SPSB4: variants seen among roughly 807,000 people sequenced by gnomAD.
The protein encoded by SPSB4 is SPRY domain-containing SOCS box protein 4.
A neutral mutation model predicts 20.9 loss-of-function variants in SPSB4; 21 were observed. That is an observed-to-expected ratio of 1.01 (90% CI 0.71 to 1.45). SPSB4 has a LOEUF of 1.45. Ranked by LOEUF, SPSB4 falls within the 40% of genes most tolerant of loss-of-function variation. The probability of loss-of-function intolerance (pLI) is 0.00; values close to 1 mark genes in which losing one functional copy is unlikely to be tolerated. For synonymous variants in SPSB4, 207 were observed against 183.8 expected (o/e 1.13, Z -1.02); for missense variants, 399 against 399.2 (o/e 1.00, Z 0.00).
intron 2 of SPSB4, among the ~76,000 whole-genome samples, chr3:141,085,155 C>T (rs1938316142): frequency 6.6e-6 from 1 of 152,106 alleles, no homozygotes; most frequent in Admixed American, 6.5e-5. Flanking sequence ...GGTACAGGCA[C>T]AGGATGGGAA....
In SPSB4 at chr3:141,137,643, A is replaced by T. The variant is rs543427794; in HGVS notation, c.695-9499A>T. Among the ~76,000 whole-genome samples the T allele has an allele frequency of 5.9e-5, 9 of 152,192 alleles. No individual in the cohort carries two copies. In the South Asian group the frequency reaches 1.7e-3, roughly 28 times the overall value. ...TTTATATGCTGGATTATGTTTATTG[A>T]TTTTCATATGTTGAACCAGCGTTGC... On this transcript the variant is annotated intron_variant, in intron 2 of 2. Transcript: ENST00000310546.
chr3:141,096,906 G>A (rs1055226925), intron 2 of SPSB4, among the ~76,000 whole-genome samples: 1 of 152,132 alleles, frequency 6.6e-6, no homozygotes, highest in Non-Finnish European at 1.5e-5. Context: ...TGGAATGAGT[G>A]CCCCATGGTT....
chr3:141,062,545 A>G (rs574631975), intron 1 of SPSB4, among the ~76,000 whole-genome samples: 1 of 152,276 alleles, frequency 6.6e-6, no homozygotes, highest in South Asian at 2.1e-4. Context: ...GAACTGCTGT[A>G]GAGGCACCCC....
intron 2 of SPSB4, among the ~76,000 whole-genome samples, chr3:141,112,643 T>C (rs1394194407): frequency 2.8e-5 from 1 of 36,026 alleles, no homozygotes; most frequent in African/African-American, 1.8e-4. Flanking sequence ...AGACTCCGTC[T>C]CAAAAAAAAA....
At chr3:141,122,268 C>A (rs1938979979) in intron 2 of SPSB4, among the ~76,000 whole-genome samples, 1 of 152,178 alleles carries the variant, frequency 6.6e-6, no homozygotes, top group Non-Finnish European at 1.5e-5. Context: ...GCAAATATTG[C>A]TGCCTGATTC....
At chr3:141,101,225 C>T (rs555530458) in intron 2 of SPSB4, among the ~76,000 whole-genome samples, 2 of 152,338 alleles carry the variant, frequency 1.3e-5, no homozygotes, top group African/African-American at 4.8e-5. Context: ...CCACAGCTCT[C>T]ACCAGGTTGA....
chr3:141,087,639 G>A (rs1037665804), intron 2 of SPSB4, among the ~76,000 whole-genome samples: 3 of 152,226 alleles, frequency 2.0e-5, no homozygotes, highest in Admixed American at 6.5e-5. Context: ...AACAGCCTCG[G>A]AAGGTCAAGT....
At position 141,100,774 on chromosome 3, in the gene SPSB4, G is replaced by T. The variant is rs569839100; in HGVS notation, c.694+33976G>T. Among the ~76,000 whole-genome samples the T allele has an allele frequency of 1.5e-3, 230 of 152,320 alleles. 1 individual carries two copies. The highest frequency in any genetic ancestry group is 6.8e-3 in the Middle Eastern group (2 of 294). On this transcript the variant is annotated intron_variant, in intron 2 of 2. Transcript: ENST00000310546. ...GGAGAGGCGGCAGGAGGGGAGAGGA[G>T]AGAGAGCCTGTGGAGTGGGTACCCT...
intron 2 of SPSB4, among the ~76,000 whole-genome samples, chr3:141,130,161 A>G (rs1157320955): frequency 1.3e-5 from 2 of 152,244 alleles, no homozygotes; most frequent in Admixed American, 1.3e-4. Context: ...GATACACTTG[A>G]CAATTTGCAT....
Position 141,102,819 on chromosome 3 carries a change from G to A in SPSB4, c.694+36021G>A, listed in dbSNP as rs989449181. ...CTTTGAGATGCCTGGAGGTCAATGCGGTTGCTCAAAGAAAGCATGGCCAAG... is the reference window on the plus strand; with the variant it reads ...CTTTGAGATGCCTGGAGGTCAATGCAGTTGCTCAAAGAAAGCATGGCCAAG... On this transcript the variant is annotated intron_variant, in intron 2 of 2. Transcript: ENST00000310546. 6.6e-4 allele frequency among the ~76,000 whole-genome samples: 100 copies of A among 152,134 alleles called. 2 individuals carry two copies. Among genetic ancestry groups the A allele is most frequent in the Non-Finnish European group, 2.4e-4 (16 of 68,024 alleles).
chr3:141,088,617 C>T (rs1938394413), intron 2 of SPSB4, among the ~76,000 whole-genome samples: 1 of 152,190 alleles, frequency 6.6e-6, no homozygotes, highest in Admixed American at 6.5e-5. Context: ...TGGGGATACC[C>T]CTCAATGACT....
chr3:141,079,047 G>T (rs1417541408), intron 2 of SPSB4, among the ~76,000 whole-genome samples: 3 of 152,142 alleles, frequency 2.0e-5, no homozygotes, highest in Non-Finnish European at 4.4e-5. Flanking sequence ...GGATCACAAG[G>T]TCAGGAGATT....
At chr3:141,119,626 T>G (rs1258900418) in intron 2 of SPSB4, among the ~76,000 whole-genome samples, 1 of 152,222 alleles carries the variant, frequency 6.6e-6, no homozygotes, top group East Asian at 1.9e-4. Context: ...TAGCTGTGGG[T>G]TTGTCATAAA....
chr3:141,090,252 A>G (rs1938424848), intron 2 of SPSB4, among the ~76,000 whole-genome samples: 1 of 152,222 alleles, frequency 6.6e-6, no homozygotes, highest in Non-Finnish European at 1.5e-5. Context: ...CATGCCAAGC[A>G]CTATTCCAGG....
At chr3:141,134,573 C>T (rs1158881906) in intron 2 of SPSB4, among the ~76,000 whole-genome samples, 2 of 152,000 alleles carry the variant, frequency 1.3e-5, no homozygotes, top group Non-Finnish European at 1.5e-5. Flanking sequence ...TATTGACATG[C>T]TTATATGATT....
intron 2 of SPSB4, among the ~76,000 whole-genome samples, chr3:141,086,463 C>T (rs141273828): frequency 2.0e-5 from 3 of 152,304 alleles, no homozygotes; most frequent in African/African-American, 7.2e-5. Context: ...TAATAGTGCC[C>T]ACCTTATGGG....
intron 2 of SPSB4, among the ~76,000 whole-genome samples, chr3:141,068,073 A>G (rs557252924): frequency 2.6e-5 from 4 of 152,306 alleles, no homozygotes; most frequent in Non-Finnish European, 4.4e-5. Context: ...ACTTCTCCAG[A>G]AAAGAAGTCA....
chr3:141,075,740 G>A (rs892867687), intron 2 of SPSB4, among the ~76,000 whole-genome samples: 11 of 151,962 alleles, frequency 7.2e-5, no homozygotes, highest in East Asian at 3.9e-4. Context: ...GAATGATCCC[G>A]CAGCCAAGCT....
chr3:141,103,819 C>T (rs1468529631), intron 2 of SPSB4, among the ~76,000 whole-genome samples: 1 of 151,630 alleles, frequency 6.6e-6, no homozygotes, highest in African/African-American at 2.4e-5. Flanking sequence ...GGTTGTAGTA[C>T]CAAAAATGAC....
Sources: allele counts gnomAD v4.1 joint callset (sites outside exome capture counted in the v4.1 genomes callset), GRCh38; gene constraint gnomAD v4.1.1; transcripts MANE v1.5; gene names NCBI Gene and HGNC (gene_info 2026-07-23, HGNC 2026-07-21).